ARL15: variants seen among roughly 807,000 people sequenced by gnomAD.
The protein encoded by ARL15 is ARF like GTPase 15, also known as ADP-ribosylation factor-like protein 15.
In ARL15, 19 loss-of-function variants were observed where a neutral mutation model predicts 25.2. The observed-to-expected ratio is 0.75, with a 90% CI of 0.53 to 1.10. ARL15 has a LOEUF of 1.10. Among genes scored for constraint, ARL15 ranks in the 50% least tolerant of loss-of-function variants. ARL15 has a pLI of 0.00. For synonymous variants in ARL15, 94 were observed against 86.8 expected, an observed-to-expected ratio of 1.08 and a Z score of -0.46; for missense variants, 220 against 246.0, an observed-to-expected ratio of 0.89 and a Z score of 0.71.
chr5:53,924,491 C>A (rs1745957042), intron 4 of ARL15, among the ~76,000 whole-genome samples: 1 of 152,170 alleles, frequency 6.6e-6, no homozygotes, highest in Non-Finnish European at 1.5e-5. Flanking sequence ...AGGGGACTTA[C>A]AAATCATCTA....
chr5:53,893,698 T>C (rs1245241413), intron 4 of ARL15, among the ~76,000 whole-genome samples: 1 of 151,974 alleles, frequency 6.6e-6, no homozygotes, highest in Non-Finnish European at 1.5e-5. Context: ...AAAAGGGCCC[T>C]CCAGCTTTGC....
intron 1 of ARL15, among the ~76,000 whole-genome samples, chr5:54,231,942 A>T (rs1002181150): frequency 6.6e-6 from 1 of 152,174 alleles, no homozygotes; most frequent in African/African-American, 2.4e-5. Flanking sequence ...GACACAATTC[A>T]GTCCATACTC....
At chr5:54,028,884 T>C (rs1314317849) in intron 4 of ARL15, among the ~76,000 whole-genome samples, 1 of 152,154 alleles carries the variant, frequency 6.6e-6, no homozygotes, top group Non-Finnish European at 1.5e-5. Flanking sequence ...TAACCAGGTA[T>C]GGTGGTATGC....
chr5:54,129,565 C>T (rs545640361), intron 3 of ARL15, among the ~76,000 whole-genome samples: 81 of 152,232 alleles, frequency 5.3e-4, no homozygotes, highest in African/African-American at 1.8e-3. Context: ...AAATTAAAAG[C>T]GTAGCAGTTC....
chr5:54,083,112 G>A (rs1322068390), intron 4 of ARL15, among the ~76,000 whole-genome samples: 1 of 152,190 alleles, frequency 6.6e-6, no homozygotes, highest in Non-Finnish European at 1.5e-5. Flanking sequence ...CACTAGTTAT[G>A]TTTGACAATG....
At chr5:54,310,407 C>CA in intron 1 of ARL15, 25 bp downstream of exon 1, 1 of 1,604,394 alleles carries the variant, frequency 6.2e-7, no homozygotes, top group African/African-American at 1.3e-5. Context: ...CGAGAGGCGA[C>CA]ATGCCACCCC....
intron 1 of ARL15, among the ~76,000 whole-genome samples, chr5:54,208,180 C>A (rs1200797286): frequency 1.3e-5 from 2 of 151,976 alleles, no homozygotes; most frequent in African/African-American, 4.8e-5. Context: ...AGCCAAATAC[C>A]CACGGGAGAA....
At chr5:54,116,574 A>G (rs1283458034) in intron 3 of ARL15, among the ~76,000 whole-genome samples, 1 of 152,246 alleles carries the variant, frequency 6.6e-6, no homozygotes. Flanking sequence ...TAAATTCCAC[A>G]TAGCCAACTA....
At chr5:54,071,994 AAG>A (rs1452282300) in intron 4 of ARL15, among the ~76,000 whole-genome samples, 20 of 149,590 alleles carry the variant, frequency 1.3e-4, no homozygotes, top group Non-Finnish European at 3.0e-4. Flanking sequence ...AAAAAAAAAA[AAG>A]AAAAAAAAAG....
At chr5:54,255,201 C>T (rs548430942) in intron 1 of ARL15, among the ~76,000 whole-genome samples, 154 of 148,204 alleles carry the variant, frequency 1.0e-3, no homozygotes, top group African/African-American at 3.9e-3. Flanking sequence ...AACTCTACTC[C>T]ACGTCATTTT....
chr5:54,240,334 A>G (rs1445127217), intron 1 of ARL15, among the ~76,000 whole-genome samples: 1 of 150,428 alleles, frequency 6.6e-6, no homozygotes, highest in African/African-American at 2.5e-5. Flanking sequence ...TCAAAATTTT[A>G]ATTTACTTCA....
chr5:54,072,052 C>T (rs1394366608), intron 4 of ARL15, among the ~76,000 whole-genome samples: 2 of 150,952 alleles, frequency 1.3e-5, no homozygotes, highest in Non-Finnish European at 3.0e-5. Flanking sequence ...ATGAAATAGA[C>T]ATCCCACACC....
intron 4 of ARL15, among the ~76,000 whole-genome samples, chr5:53,962,842 T>A (rs1327997482): frequency 3.9e-5 from 6 of 152,122 alleles, no homozygotes; most frequent in Non-Finnish European, 8.8e-5. Context: ...TAGAAAAGAG[T>A]TATCAAAATA....
intron 4 of ARL15, among the ~76,000 whole-genome samples, chr5:53,958,747 C>A (rs1747258266): frequency 6.6e-6 from 1 of 150,494 alleles, no homozygotes; most frequent in Non-Finnish European, 1.5e-5. Flanking sequence ...ACATAGTGAC[C>A]AAAAAACAGT....
chr5:54,042,893 T>C (rs982430218), intron 4 of ARL15, among the ~76,000 whole-genome samples: 1 of 152,112 alleles, frequency 6.6e-6, no homozygotes, highest in African/African-American at 2.4e-5. Flanking sequence ...TTTATCTCTT[T>C]TTCATATATA....
At chr5:54,121,129 C>G (rs1753061446) in intron 3 of ARL15, among the ~76,000 whole-genome samples, 1 of 152,120 alleles carries the variant, frequency 6.6e-6, no homozygotes, top group African/African-American at 2.4e-5. Context: ...GTAAATTTGT[C>G]CCTCACTTTG....
chr5:54,153,509 T>C (rs2112345735), intron 3 of ARL15, among the ~76,000 whole-genome samples: 1 of 152,308 alleles, frequency 6.6e-6, no homozygotes, highest in South Asian at 2.1e-4. Context: ...AAAATTATTA[T>C]AAGAACATTC....
rs549944836 is a variant in ARL15 at position 53,912,705 on chromosome 5, A to G, written c.463-25992T>C. Among the ~76,000 whole-genome samples the G allele has an allele frequency of 2.6e-5, 4 of 152,360 alleles. No individual in the cohort carries two copies. The South Asian group carries it at 8.3e-4, about 32-fold the overall frequency. On this transcript the variant is annotated intron_variant, in intron 4 of 4. Coordinates refer to ENST00000504924, the MANE Select transcript of ARL15 (RefSeq NM_019087.3). ...GCTTCCCACATATCATGTGAGGTCC[A>G]CAAGAGACTAAAGATTGCTAGAGTA...
At chr5:54,170,901 A>G (rs1266391044) in intron 2 of ARL15, among the ~76,000 whole-genome samples, 1 of 152,178 alleles carries the variant, frequency 6.6e-6, no homozygotes, top group Non-Finnish European at 1.5e-5. Flanking sequence ...CTGATGAACA[A>G]TCTTTTCAAC....
Sources: allele counts gnomAD v4.1 joint callset (sites outside exome capture counted in the v4.1 genomes callset), GRCh38; gene constraint gnomAD v4.1.1; transcripts MANE v1.5; gene names NCBI Gene and HGNC (gene_info 2026-07-23, HGNC 2026-07-21).